Variants in HS6ST3 observed in about 807,000 individuals in gnomAD.
The protein encoded by HS6ST3 is heparan sulfate 6-O-sulfotransferase 3.
HS6ST3 carries 12 observed loss-of-function variants against 36.7 expected under a neutral mutation model. The observed-to-expected ratio is 0.33, with a 90% CI of 0.21 to 0.53. HS6ST3 has a LOEUF of 0.53. Ranked by LOEUF, HS6ST3 falls within the 20% of genes least tolerant of loss-of-function variation. The pLI is 0.95. For synonymous variants in HS6ST3, 240 were observed against 257.5 expected, an observed-to-expected ratio of 0.93 and a Z score of 0.65; for missense variants, 584 against 640.9, an observed-to-expected ratio of 0.91 and a Z score of 0.96.
intron 1 of HS6ST3, among the ~76,000 whole-genome samples, chr13:96,300,103 A>G (rs924407814): frequency 8.1e-6 from 1 of 123,080 alleles, no homozygotes; most frequent in Non-Finnish European, 1.6e-5. Context: ...GTCACCCAGG[A>G]TGGAGTGCAG....
At chr13:96,323,547 C>T (rs2055015213) in intron 1 of HS6ST3, among the ~76,000 whole-genome samples, 1 of 152,170 alleles carries the variant, frequency 6.6e-6, no homozygotes, top group African/African-American at 2.4e-5. Context: ...CACTCCTTTG[C>T]TCAAGGCCTT....
At chr13:96,380,074 C>A (rs2055333555) in intron 1 of HS6ST3, among the ~76,000 whole-genome samples, 2 of 152,174 alleles carry the variant, frequency 1.3e-5, no homozygotes, top group African/African-American at 4.8e-5. Flanking sequence ...TTCCTTTCCA[C>A]ATCCTTGATA....
At chr13:96,584,957 C>T (rs2056355269) in intron 1 of HS6ST3, among the ~76,000 whole-genome samples, 1 of 152,054 alleles carries the variant, frequency 6.6e-6, no homozygotes, top group African/African-American at 2.4e-5. Context: ...GGGAATTTCA[C>T]AAATGAAATT....
In HS6ST3 at chr13:96,585,271, TA is replaced by T. The variant is rs1361993314; in HGVS notation, c.708-247211del. 6.8e-4 allele frequency among the ~76,000 whole-genome samples: 104 copies of T among 151,960 alleles called. 2 individuals carry two copies. Among genetic ancestry groups the T allele is most frequent in the Non-Finnish European group, 3.1e-4 (21 of 67,946 alleles). On this transcript the variant is annotated intron_variant, in intron 1 of 1. Transcript: ENST00000376705. ...GTTTAGTTATGTTTTAATGTAAACT[TA>T]AAAAAAAGTAAAAGTCTGTCATACC...
Position 96,833,784 on chromosome 13 carries a change from A to G in HS6ST3, c.*586A>G, listed in dbSNP as rs957957314. ...GTTGCAGTTGTTTTGAAACAAAATTATCCTATTATTGACCATTGCTAGAGA... is the reference window on the plus strand; with the variant it reads ...GTTGCAGTTGTTTTGAAACAAAATTGTCCTATTATTGACCATTGCTAGAGA... On this transcript the variant is annotated 3_prime_UTR_variant, in exon 2 of 2. Transcript: ENST00000376705. The G allele has an allele frequency of 6.6e-6, 1 of 152,508 alleles. No individual in the cohort carries two copies. Among genetic ancestry groups the G allele is most frequent in the Non-Finnish European group, 1.5e-5 (1 of 68,304 alleles). The allele number at this position is 152,508 out of a possible 1,614,324, so 9.4% of individuals were successfully genotyped here.
intron 1 of HS6ST3, among the ~76,000 whole-genome samples, chr13:96,622,623 T>C (rs2056499072): frequency 6.6e-6 from 1 of 151,968 alleles, no homozygotes; most frequent in African/African-American, 2.4e-5. Flanking sequence ...CTATAAAATA[T>C]CTTATTTCTG....
At chr13:96,398,106 A>G (rs1198807357) in intron 1 of HS6ST3, among the ~76,000 whole-genome samples, 1 of 152,070 alleles carries the variant, frequency 6.6e-6, no homozygotes, top group Non-Finnish European at 1.5e-5. Flanking sequence ...TAATAACCCT[A>G]TCTTATAGGG....
chr13:96,722,851 CCTGTAGTCCCAGCTACACG>C (rs1184380044), intron 1 of HS6ST3, among the ~76,000 whole-genome samples: 1 of 152,008 alleles, frequency 6.6e-6, no homozygotes, highest in Non-Finnish European at 1.5e-5. Context: ...GTGGCGTGCG[CCTGTAGTCCCAGCTACACG>C]GGAAGCGGAG....
chr13:96,208,109 A>G (rs1226139408), intron 1 of HS6ST3, among the ~76,000 whole-genome samples: 1 of 152,240 alleles, frequency 6.6e-6, no homozygotes, highest in Non-Finnish European at 1.5e-5. Flanking sequence ...TTCAAAAAAT[A>G]CATATTACCA....
At chr13:96,289,656 C>G (rs1464733140) in intron 1 of HS6ST3, among the ~76,000 whole-genome samples, 2 of 152,118 alleles carry the variant, frequency 1.3e-5, no homozygotes, top group African/African-American at 4.8e-5. Flanking sequence ...TTGTGGAGAG[C>G]TTTCTAACCA....
intron 1 of HS6ST3, among the ~76,000 whole-genome samples, chr13:96,327,280 C>T (rs982196560): frequency 6.6e-6 from 1 of 151,512 alleles, no homozygotes; most frequent in Admixed American, 6.6e-5. Flanking sequence ...ATGGTAATGC[C>T]TAGGTTTTCT....
intron 1 of HS6ST3, among the ~76,000 whole-genome samples, chr13:96,415,298 G>T (rs1161677815): frequency 1.3e-5 from 2 of 152,176 alleles, no homozygotes; most frequent in Non-Finnish European, 2.9e-5. Context: ...TCCGTTGCCG[G>T]TGAAATCACA....
At position 96,838,602 on chromosome 13, in the gene HS6ST3, C is replaced by CTTCCTTCTTCTCCCCTTCCGCCA. The variant is rs899834437; in HGVS notation, c.*5406_*5428dup. 1.3e-5 allele frequency: 2 copies of CTTCCTTCTTCTCCCCTTCCGCCA among 152,468 alleles called. No homozygotes were observed. Among genetic ancestry groups the CTTCCTTCTTCTCCCCTTCCGCCA allele is most frequent in the African/African-American group, 4.8e-5 (2 of 41,448 alleles). The allele number at this position is 152,468 out of a possible 1,614,324, so 9.4% of individuals were successfully genotyped here. On this transcript the variant is annotated 3_prime_UTR_variant, in exon 2 of 2. Transcript: ENST00000376705. ...GTTCTTTCTCCAAGGCACTTTCGGC[C>CTTCCTTCTTCTCCCCTTCCGCCA]TTCCTTCTTCTCCCCTTCCGCCATC...
At chr13:96,262,499 A>G (rs1399000756) in intron 1 of HS6ST3, among the ~76,000 whole-genome samples, 2 of 152,138 alleles carry the variant, frequency 1.3e-5, no homozygotes, top group East Asian at 1.9e-4. Flanking sequence ...GTTCCTTTAC[A>G]TAGTACCTTT....
chr13:96,514,378 A>T (rs574962540), intron 1 of HS6ST3, among the ~76,000 whole-genome samples: 3 of 152,296 alleles, frequency 2.0e-5, no homozygotes, highest in South Asian at 4.1e-4. Flanking sequence ...GATCATTGGG[A>T]TGAATGGAGA....
rs149968451 is a variant in HS6ST3 at position 96,447,825 on chromosome 13, C to T, written c.707+356256C>T. The stretch of plus-strand genomic sequence containing the variant: ...TCCTCTCTTGGCTTTGGAGCCTCCC[C>T]TCCCTCTGTCTCTGTACAGGGAGCT... On this transcript the variant is annotated intron_variant, in intron 1 of 1. Transcript: ENST00000376705. 3.7e-3 allele frequency among the ~76,000 whole-genome samples: 564 copies of T among 152,330 alleles called. 1 individual carries two copies. Among genetic ancestry groups the T allele is most frequent in the Middle Eastern group, 0.027 (8 of 294 alleles).
At chr13:96,514,101 C>CTTTT (rs1354006879) in intron 1 of HS6ST3, among the ~76,000 whole-genome samples, 1 of 151,988 alleles carries the variant, frequency 6.6e-6, no homozygotes, top group Non-Finnish European at 1.5e-5. Flanking sequence ...CATGATGTGG[C>CTTTT]TGATTTTTCA....
At chr13:96,423,924 G>A (rs758401739) in intron 1 of HS6ST3, among the ~76,000 whole-genome samples, 21 of 152,246 alleles carry the variant, frequency 1.4e-4, no homozygotes, top group Non-Finnish European at 2.2e-4. Context: ...CCAAACATGC[G>A]ATTGTATCTT....
intron 1 of HS6ST3, among the ~76,000 whole-genome samples, chr13:96,767,858 G>A (rs898821909): frequency 1.1e-4 from 17 of 152,306 alleles, no homozygotes; most frequent in African/African-American, 4.1e-4. Flanking sequence ...AAAAAGACAG[G>A]TGTCGAGACA....
Sources: gnomAD v4.1 joint callset for allele counts (sites outside exome capture counted in the v4.1 genomes callset) on GRCh38, gnomAD v4.1.1 for gene constraint, MANE v1.5 for transcripts, NCBI Gene and HGNC (gene_info 2026-07-23, HGNC 2026-07-21) for gene names.